NAPEPLD: variants seen among roughly 807,000 people sequenced by gnomAD.
NAPEPLD encodes the protein N-acyl phosphatidylethanolamine phospholipase D, also known as N-acyl-phosphatidylethanolamine-hydrolyzing phospholipase D.
In NAPEPLD, 23 loss-of-function variants were observed where a neutral mutation model predicts 38.1. The observed-to-expected ratio is 0.60, with a 90% CI of 0.43 to 0.86. The LOEUF is 0.86. NAPEPLD is among the 40% of genes least tolerant of loss of function. NAPEPLD has a pLI of 0.00. For synonymous variants in NAPEPLD, 147 were observed against 162.0 expected (o/e 0.91, Z 0.71); for missense variants, 411 against 476.8 (o/e 0.86, Z 1.28).
upstream of NAPEPLD, chr7:103,149,490 C>G (rs1343974535): frequency 7.9e-7 from 1 of 1,263,478 alleles, no homozygotes; most frequent in Non-Finnish European, 1.0e-6. Context: ...ATCGTTGGGG[C>G]GAGTCGTCGC....
Position 103,119,488 on chromosome 7 carries a change from T to C in NAPEPLD, c.941+89A>G, listed in dbSNP as rs1343741677. On this transcript the variant is annotated intron_variant, in intron 3 of 4. Coordinates refer to ENST00000465647, the MANE Select transcript of NAPEPLD (RefSeq NM_001122838.3). ...AAAGTCCACCATTAAAATCATAAAT[T>C]ACAGTGTCACAAAAATCATAATTGC... The C allele has an allele frequency of 6.3e-6, 9 of 1,424,514 alleles. No homozygotes were observed. In the East Asian group the frequency reaches 1.9e-4, roughly 30 times the overall value. The allele number at this position is 1,424,514 out of a possible 1,614,324, so 88.2% of individuals were successfully genotyped here. A position where few individuals can be genotyped will look rare whatever the true frequency, so the allele number is the denominator to read the frequency against.
In NAPEPLD at chr7:103,103,398, T is replaced by G. The variant is rs1215364289; in HGVS notation, c.*31A>C. The stretch of plus-strand genomic sequence containing the variant: ...TTGTTTTTAAACTTAGATGATGCCT[T>G]TTTCATTAAAAGTGCCTGTGCTCAC... On this transcript the variant is annotated 3_prime_UTR_variant, in exon 5 of 5. Transcript: ENST00000465647. The G allele has an allele frequency of 6.6e-7, 1 of 1,519,316 alleles. No homozygotes were observed. Among genetic ancestry groups the G allele is most frequent in the Non-Finnish European group, 8.8e-7 (1 of 1,137,624 alleles). The allele number at this position is 1,519,316 out of a possible 1,614,324, so 94.1% of individuals were successfully genotyped here.
chr7:103,108,895 T>A (rs1416735015), intron 4 of NAPEPLD, among the ~76,000 whole-genome samples: 2 of 152,076 alleles, frequency 1.3e-5, no homozygotes, highest in Non-Finnish European at 1.5e-5. Context: ...GATGGAGGAA[T>A]ACTTACCAAG....
intron 4 of NAPEPLD, among the ~76,000 whole-genome samples, chr7:103,105,692 T>G (rs1171444274): frequency 2.6e-5 from 4 of 152,132 alleles, no homozygotes; most frequent in Admixed American, 2.0e-4. Context: ...TCACGCCAGT[T>G]AAGGCTGAAG....
chr7:103,129,228 G>T, intron 1 of NAPEPLD: 1 of 832,212 alleles, frequency 1.2e-6, no homozygotes, highest in Non-Finnish European at 1.5e-6. Flanking sequence ...TCACGCCATT[G>T]CACAAACAAA....
chr7:103,148,106 T>A lies in NAPEPLD; in HGVS notation c.-17+705A>T, dbSNP rs1459791538. The A allele has an allele frequency of 4.1e-6, 4 of 984,558 alleles. No homozygotes were observed. In the African/African-American group the frequency reaches 7.0e-5, roughly 17 times the overall value. 61.0% of individuals were successfully genotyped at this position (984,558 alleles called of 1,614,324 possible). A position where few individuals can be genotyped will look rare whatever the true frequency, so the allele number is the denominator to read the frequency against. ...GCGGCTAATTCATAACCAATGTAAC[T>A]GAAAATAGAAATGGAAATGTTAGAG... On this transcript the variant is annotated intron_variant, in intron 1 of 4. Transcript: ENST00000465647.
At chr7:103,149,161 G>A (rs188341077), upstream of NAPEPLD, 2,042 of 991,536 alleles carry the variant, frequency 2.1e-3, 23 homozygotes, top group African/African-American at 0.031. Context: ...ACAGCAGGCG[G>A]GAGAAAACCG....
intron 4 of NAPEPLD, among the ~76,000 whole-genome samples, chr7:103,112,774 GT>G (rs1389438661): frequency 2.0e-5 from 3 of 151,734 alleles, no homozygotes; most frequent in Admixed American, 6.6e-5. Flanking sequence ...GAAGTAAAGG[GT>G]AACATATCCT....
At chr7:103,111,607 A>T (rs1804539151) in intron 4 of NAPEPLD, among the ~76,000 whole-genome samples, 1 of 152,232 alleles carries the variant, frequency 6.6e-6, no homozygotes, top group Non-Finnish European at 1.5e-5. Flanking sequence ...ACAAAAATTA[A>T]CTCAAGATGG....
At chr7:103,129,339 A>G in intron 1 of NAPEPLD, 1 of 984,936 alleles carries the variant, frequency 1.0e-6, no homozygotes. Flanking sequence ...GTAATCCAAA[A>G]CAACATATTT....
rs1229851156 is a variant in NAPEPLD, at chr7:103,119,947, G to C, written c.571C>G (p.Leu191Val). Residue 191 changes from leucine to valine, a missense_variant, in exon 3 of 5, where the codon CTG becomes GTG. By Grantham distance (32) the Leu-to-Val change is conservative. Transcript: ENST00000465647. ...AAAGCAATGACAGAATTGTAGTCCA[G>C]ATGGTCATAGTGGTTGTGACTGATA... ...VLISHNHYDH[L>V]DYNSVIALNE... 1.9e-6 allele frequency: 3 copies of C among 1,614,214 alleles called. No homozygotes were observed. Among genetic ancestry groups the C allele is most frequent in the Non-Finnish European group, 2.5e-6 (3 of 1,180,040 alleles).
intron 4 of NAPEPLD, among the ~76,000 whole-genome samples, chr7:103,104,668 G>A (rs1289965283): frequency 6.6e-6 from 1 of 152,080 alleles, no homozygotes; most frequent in Non-Finnish European, 1.5e-5. Context: ...TATTCCTAGA[G>A]CTAACCCCTT....
At chr7:103,137,815 C>CAA (rs79429621) in intron 1 of NAPEPLD, among the ~76,000 whole-genome samples, 110 of 107,486 alleles carry the variant, frequency 1.0e-3, no homozygotes, top group Admixed American at 5.8e-3. Flanking sequence ...GATGCTGTCT[C>CAA]AAAAAAAAAA....
At chr7:103,128,426 A>G in intron 2 of NAPEPLD, 57 bp downstream of exon 2, 2 of 1,578,202 alleles carry the variant, frequency 1.3e-6, no homozygotes, top group Non-Finnish European at 1.7e-6. Context: ...GGCTCAAATA[A>G]CTAGAGTGTC....
chr7:103,122,614 T>C (rs2129529238), intron 2 of NAPEPLD, among the ~76,000 whole-genome samples: 1 of 152,264 alleles, frequency 6.6e-6, no homozygotes, highest in African/African-American at 2.4e-5. Context: ...GGTGTAATAA[T>C]TGTACCTATG....
intron 4 of NAPEPLD, among the ~76,000 whole-genome samples, chr7:103,108,680 TAACC>T (rs1446018017): frequency 1.3e-5 from 2 of 152,094 alleles, no homozygotes; most frequent in Non-Finnish European, 2.9e-5. Context: ...TAAACTGCAT[TAACC>T]AACAAGCAAA....
At chr7:103,132,430 G>A (rs1809134949) in intron 1 of NAPEPLD, among the ~76,000 whole-genome samples, 1 of 152,000 alleles carries the variant, frequency 6.6e-6, no homozygotes, top group African/African-American at 2.4e-5. Context: ...GACTTTGTAG[G>A]GCTGGTTGGT....
intron 1 of NAPEPLD, among the ~76,000 whole-genome samples, chr7:103,146,782 A>G (rs900628263): frequency 6.6e-6 from 1 of 152,076 alleles, no homozygotes; most frequent in Non-Finnish European, 1.5e-5. Flanking sequence ...CTGTAACAAG[A>G]GTCTGCAGTG....
rs1037877808 is a variant in NAPEPLD at position 103,137,976 on chromosome 7, C to T, written c.-16-9184G>A. Reference sequence around the variant, plus strand: ...TATGTCAGATGATCTTTCTTTTTTGCTTTTTTTCTTTTTTTTTTTGAGACG... The same window carrying T: ...TATGTCAGATGATCTTTCTTTTTTGTTTTTTTTCTTTTTTTTTTTGAGACG... On this transcript the variant is annotated intron_variant, in intron 1 of 4. Transcript: ENST00000465647. 1.4e-4 allele frequency among the ~76,000 whole-genome samples: 4 copies of T among 28,196 alleles called. No individual in the cohort carries two copies. The Admixed American group carries it at 2.0e-3, about 14-fold the overall frequency. The allele number at this position is 28,196 out of a possible 152,430, so 18.5% of individuals were successfully genotyped here.
Sources: gnomAD v4.1 joint callset for allele counts (sites outside exome capture counted in the v4.1 genomes callset) on GRCh38, gnomAD v4.1.1 for gene constraint, MANE v1.5 for transcripts, NCBI Gene and HGNC (gene_info 2026-07-23, HGNC 2026-07-21) for gene names.